Variants in REDIC1 observed in about 807,000 individuals in gnomAD.
REDIC1 encodes the protein regulator of DNA class I crossover intermediates 1.
At chr12:39,759,851 GA>G in the REDIC1 span, 95 of 552,702 alleles carry the variant, frequency 1.7e-4, no homozygotes, top group East Asian at 3.8e-4. Context: ...GTTCCTTGTG[GA>G]AAAAAAAAGT....
At chr12:39,714,097 G>GTATATATT in the REDIC1 span, among the ~76,000 whole-genome samples, 1 of 149,306 alleles carries the variant, frequency 6.7e-6, no homozygotes, top group Non-Finnish European at 1.5e-5. Context: ...ATATGTACAT[G>GTATATATT]TATATACGTA....
the REDIC1 span, chr12:39,692,250 T>C: frequency 1.3e-6 from 1 of 783,696 alleles, no homozygotes; most frequent in Non-Finnish European, 1.9e-6. Flanking sequence ...ACTAATGCAA[T>C]TGACTCGTTA....
the REDIC1 span, among the ~76,000 whole-genome samples, chr12:39,711,859 G>A: frequency 0.69 from 50,676 of 73,328 alleles, 18,041 homozygotes; most frequent in Non-Finnish European, 0.78. Context: ...GCATGTGTAT[G>A]TGTATACACG....
chr12:39,773,158 T>C, the REDIC1 span, among the ~76,000 whole-genome samples: 3 of 152,310 alleles, frequency 2.0e-5, no homozygotes, highest in Non-Finnish European at 2.9e-5. Flanking sequence ...GAAAAAGTCA[T>C]GCTCTTGGAT....
chr12:39,685,184 A>G, the REDIC1 span, among the ~76,000 whole-genome samples: 1 of 152,196 alleles, frequency 6.6e-6, no homozygotes, highest in South Asian at 2.1e-4. Flanking sequence ...TTTTTTAAGT[A>G]TTACAAAACT....
chr12:39,769,819 C>G, the REDIC1 span, among the ~76,000 whole-genome samples: 3 of 152,008 alleles, frequency 2.0e-5, 1 homozygote, highest in South Asian at 6.2e-4. Flanking sequence ...CTCACGAGCT[C>G]TACCTGACTA....
At chr12:39,630,199 T>TA in the REDIC1 span, among the ~76,000 whole-genome samples, 1 of 152,206 alleles carries the variant, frequency 6.6e-6, no homozygotes, top group African/African-American at 2.4e-5. Context: ...AATTCATACT[T>TA]ACCTCAGATA....
the REDIC1 span, among the ~76,000 whole-genome samples, chr12:39,711,955 A>G: frequency 7.7e-6 from 1 of 129,794 alleles, no homozygotes; most frequent in Non-Finnish European, 1.7e-5. Flanking sequence ...GTATACATAC[A>G]TATATATCTA....
the REDIC1 span, among the ~76,000 whole-genome samples, chr12:39,779,833 T>C: frequency 6.6e-6 from 1 of 152,258 alleles, no homozygotes; most frequent in South Asian, 2.1e-4. Context: ...ATTCTGATTT[T>C]ATTTTCTTTC....
the REDIC1 span, among the ~76,000 whole-genome samples, chr12:39,701,719 C>G: frequency 1.3e-5 from 2 of 152,096 alleles, no homozygotes; most frequent in African/African-American, 4.8e-5. Flanking sequence ...TGTAAAAGAA[C>G]AGAAACTATA....
the REDIC1 span, among the ~76,000 whole-genome samples, chr12:39,846,174 A>T: frequency 6.6e-6 from 1 of 152,154 alleles, no homozygotes; most frequent in Non-Finnish European, 1.5e-5. Context: ...AGATAAGATC[A>T]TTGTTCTGCT....
At chr12:39,851,798 T>C in the REDIC1 span, among the ~76,000 whole-genome samples, 1 of 152,208 alleles carries the variant, frequency 6.6e-6, no homozygotes. Context: ...TACTCCTACA[T>C]GGTTTAAAAA....
the REDIC1 span, among the ~76,000 whole-genome samples, chr12:39,738,430 T>C: frequency 2.0e-5 from 3 of 152,346 alleles, no homozygotes; most frequent in East Asian, 5.8e-4. Flanking sequence ...CCAAGGGAGC[T>C]GTATTTGATA....
chr12:39,760,612 G>T, the REDIC1 span, among the ~76,000 whole-genome samples: 1 of 151,878 alleles, frequency 6.6e-6, no homozygotes, highest in South Asian at 2.1e-4. Flanking sequence ...TTATAATTAT[G>T]TACACACACG....
At chr12:39,842,524 A>G in the REDIC1 span, among the ~76,000 whole-genome samples, 3 of 152,118 alleles carry the variant, frequency 2.0e-5, no homozygotes, top group Non-Finnish European at 1.5e-5. Context: ...AAGATACAGT[A>G]GGAGGCAATG....
chr12:39,734,410 A>G, the REDIC1 span, among the ~76,000 whole-genome samples: 1 of 152,186 alleles, frequency 6.6e-6, no homozygotes, highest in Non-Finnish European at 1.5e-5. Context: ...GAAGGGCAAA[A>G]GTTTTAAATT....
At chr12:39,663,010 T>G in the REDIC1 span, among the ~76,000 whole-genome samples, 1 of 152,070 alleles carries the variant, frequency 6.6e-6, no homozygotes, top group Non-Finnish European at 1.5e-5. Flanking sequence ...TTTTAAGTAC[T>G]TTTGGATTTG....
the REDIC1 span, among the ~76,000 whole-genome samples, chr12:39,889,809 T>C: frequency 1.6e-4 from 24 of 152,242 alleles, no homozygotes; most frequent in South Asian, 1.9e-3. Context: ...GGATTACAGG[T>C]GTGAGCCACC....
At chr12:39,727,910 T>G in the REDIC1 span, among the ~76,000 whole-genome samples, 1 of 152,138 alleles carries the variant, frequency 6.6e-6, no homozygotes, top group African/African-American at 2.4e-5. Context: ...ATTATCTTTG[T>G]AGCAATTGTG....
Sources: allele counts gnomAD v4.1 joint callset (sites outside exome capture counted in the v4.1 genomes callset), GRCh38; gene constraint gnomAD v4.1.1; transcripts MANE v1.5; gene names NCBI Gene and HGNC (gene_info 2026-07-23, HGNC 2026-07-21).